PCLO: variants seen among roughly 807,000 people sequenced by gnomAD.
The protein encoded by PCLO is piccolo presynaptic cytomatrix protein, also known as protein piccolo.
A neutral mutation model predicts 427.5 loss-of-function variants in PCLO; 82 were observed. That is an observed-to-expected ratio of 0.19 (90% CI 0.16 to 0.23). PCLO has a LOEUF of 0.23. PCLO is among the 10% of genes least tolerant of loss of function. The pLI, the probability that PCLO is intolerant of heterozygous loss-of-function variation, is 1.00. For synonymous variants in PCLO, 2,357 were observed against 2,155.4 expected (o/e 1.09, Z -2.59); for missense variants, 6,239 against 6,115.9 (o/e 1.02, Z -0.67).
At position 82,954,767 on chromosome 7, in the gene PCLO, A is replaced by G. The variant is rs1358976890; in HGVS notation, c.6186T>C (p.Asp2062=). The G allele has an allele frequency of 6.2e-7, 1 of 1,613,860 alleles. No homozygotes were observed. The highest frequency in any genetic ancestry group is 1.1e-5 in the South Asian group (1 of 91,078). The change falls in exon 5 of 25, where the codon GAT becomes GAC. Residue 2062 remains aspartate (D), a synonymous_variant. Transcript: ENST00000333891. ...TCTTCATAAGTTCTTCATAGGCAGCATCAGCATCTAGTAGTTTCCTTTCTT... is the reference window on the plus strand; with the variant it reads ...TCTTCATAAGTTCTTCATAGGCAGCGTCAGCATCTAGTAGTTTCCTTTCTT... ...TEEERKLLDA[D]AAYEELMKRQ...
In PCLO at chr7:82,758,464, C is replaced by T. The variant is rs1283559839; in HGVS notation, c.*111G>A. The stretch of plus-strand genomic sequence containing the variant: ...CTTAAGTATGTTTTTGCTTGTTGTT[C>T]CCACTCTTATGTTTGCCTCTCAAAA... On this transcript the variant is annotated 3_prime_UTR_variant, in exon 25 of 25. Coordinates refer to ENST00000333891, the MANE Select transcript of PCLO (RefSeq NM_033026.6). The T allele has an allele frequency of 2.3e-5, 18 of 793,820 alleles. No individual in the cohort carries two copies. The African/African-American group carries it at 2.5e-4, about 11-fold the overall frequency. 49.2% of individuals were successfully genotyped at this position (793,820 alleles called of 1,614,324 possible).
At chr7:82,901,685 G>A (rs1295375448) in intron 9 of PCLO, among the ~76,000 whole-genome samples, 1 of 152,046 alleles carries the variant, frequency 6.6e-6, no homozygotes, top group African/African-American at 2.4e-5. Context: ...ATCTGACAAA[G>A]GGCTAATATC....
chr7:83,099,283 G>T (rs1408529012), intron 3 of PCLO, among the ~76,000 whole-genome samples: 3 of 148,696 alleles, frequency 2.0e-5, no homozygotes, highest in Admixed American at 6.8e-5. Context: ...CACCAGGCTA[G>T]AGGTGATAAG....
At chr7:83,142,249 A>G (rs1791880584) in intron 2 of PCLO, among the ~76,000 whole-genome samples, 1 of 152,200 alleles carries the variant, frequency 6.6e-6, no homozygotes, top group Admixed American at 6.5e-5. Flanking sequence ...TACTGTTCAC[A>G]TCAGCTGTTA....
At chr7:83,115,952 T>A (rs773042133) in intron 3 of PCLO, among the ~76,000 whole-genome samples, 4 of 151,888 alleles carry the variant, frequency 2.6e-5, no homozygotes, top group Admixed American at 2.0e-4. Context: ...CAAGCACACA[T>A]ATATAATACT....
intron 10 of PCLO, among the ~76,000 whole-genome samples, chr7:82,849,283 T>C (rs898782635): frequency 6.6e-6 from 1 of 152,020 alleles, no homozygotes; most frequent in Non-Finnish European, 1.5e-5. Context: ...ATAAAATCTC[T>C]TAAAAAATTA....
At chr7:82,848,224 C>T (rs1792553954) in intron 10 of PCLO, among the ~76,000 whole-genome samples, 2 of 150,440 alleles carry the variant, frequency 1.3e-5, no homozygotes, top group East Asian at 2.0e-4. Context: ...CAAGATAGTG[C>T]TCAAATATTT....
chr7:83,098,870 A>G (rs762690718), intron 3 of PCLO, among the ~76,000 whole-genome samples: 2 of 152,164 alleles, frequency 1.3e-5, no homozygotes, highest in Non-Finnish European at 2.9e-5. Context: ...ATAATGAGCT[A>G]GACTAGTTGG....
chr7:82,878,455 G>A (rs1386642762), intron 10 of PCLO, among the ~76,000 whole-genome samples: 1 of 152,036 alleles, frequency 6.6e-6, no homozygotes, highest in Non-Finnish European at 1.5e-5. Flanking sequence ...TAAAAAGGTT[G>A]CATTTACTTT....
rs1790307620 is a variant in PCLO at position 82,755,856 on chromosome 7, A to G, written c.*2719T>C. On this transcript the variant is annotated 3_prime_UTR_variant, in exon 25 of 25. Coordinates refer to ENST00000333891, the MANE Select transcript of PCLO (RefSeq NM_033026.6). The stretch of plus-strand genomic sequence containing the variant: ...CAGTGTTGCATAGAATAATTCCAGT[A>G]CAACCTAGAAGTTTGGTCAGCTGCA... 6.6e-6 allele frequency: 1 copy of G among 152,142 alleles called. No individual in the cohort carries two copies. Among genetic ancestry groups the G allele is most frequent in the African/African-American group, 2.4e-5 (1 of 41,440 alleles). 9.4% of individuals were successfully genotyped at this position (152,142 alleles called of 1,614,324 possible). A position where few individuals can be genotyped will look rare whatever the true frequency, so the allele number is the denominator to read the frequency against.
chr7:82,861,830 A>G (rs1352020628), intron 10 of PCLO, among the ~76,000 whole-genome samples: 1 of 152,036 alleles, frequency 6.6e-6, no homozygotes, highest in Non-Finnish European at 1.5e-5. Flanking sequence ...AATTTTGGAA[A>G]GTATTCAAAT....
intron 3 of PCLO, among the ~76,000 whole-genome samples, chr7:83,122,965 T>C (rs925815272): frequency 2.0e-5 from 3 of 152,174 alleles, no homozygotes; most frequent in South Asian, 2.1e-4. Flanking sequence ...CTATAAAACA[T>C]TGATGCAACA....
intron 3 of PCLO, among the ~76,000 whole-genome samples, chr7:83,013,158 A>T (rs2116005110): frequency 6.6e-6 from 1 of 152,300 alleles, no homozygotes; most frequent in East Asian, 1.9e-4. Flanking sequence ...AATAAAAATA[A>T]AAATCACATG....
chr7:82,973,650 A>G (rs1048018792), intron 3 of PCLO, among the ~76,000 whole-genome samples: 2 of 152,102 alleles, frequency 1.3e-5, no homozygotes, highest in African/African-American at 4.8e-5. Context: ...ACACTTCTGT[A>G]TAACAAATGA....
chr7:83,103,262 T>C (rs1330846125), intron 3 of PCLO, among the ~76,000 whole-genome samples: 1 of 151,920 alleles, frequency 6.6e-6, no homozygotes. Context: ...ACTACAAAAC[T>C]GGTAGGAACT....
At position 83,131,007 on chromosome 7, in the gene PCLO, T is replaced by C. The variant is rs79168462; in HGVS notation, c.3300+3243A>G. ...TATCAACAATAAAATAAATATCCAT[T>C]ATGAGTAATTCTGACTCATTTTGAA... On this transcript the variant is annotated intron_variant, in intron 3 of 24. Transcript: ENST00000333891. 2.2e-3 allele frequency among the ~76,000 whole-genome samples: 334 copies of C among 152,324 alleles called. 2 individuals carry two copies. Among genetic ancestry groups the C allele is most frequent in the African/African-American group, 7.6e-3 (318 of 41,578 alleles).
In PCLO at chr7:82,950,881, T is replaced by C; in HGVS notation, c.9707A>G (p.Glu3236Gly). 1 of 1,613,538 alleles carries C rather than the reference T, an allele frequency of 6.2e-7. No individual in the cohort carries two copies. ...CCTTTGAATTTCCTGACGTTCCCACTCCAATTCCTCAGCAAAGCGCTGTTG... is the reference window on the plus strand; with the variant it reads ...CCTTTGAATTTCCTGACGTTCCCACCCCAATTCCTCAGCAAAGCGCTGTTG... ...IKQQRFAEELEWERQEIQRFR... is the reference protein window; with the variant it reads ...IKQQRFAEELGWERQEIQRFR... Residue 3236 changes from glutamate to glycine, a missense_variant, in exon 6 of 25, where the codon GAG (glutamate) becomes GGG (glycine). Coordinates refer to ENST00000333891, the MANE Select transcript of PCLO (RefSeq NM_033026.6).
At position 82,821,188 on chromosome 7, in the gene PCLO, T is replaced by A. The variant is rs114143802; in HGVS notation, c.14791+1307A>T. The A allele has an allele frequency of 2.4e-3, 2,359 of 995,252 alleles. 43 individuals carry two copies. The African/African-American group carries it at 0.037, about 16-fold the overall frequency. 61.7% of individuals were successfully genotyped at this position (995,252 alleles called of 1,614,324 possible). A position where few individuals can be genotyped will look rare whatever the true frequency, so the allele number is the denominator to read the frequency against. ...GGCTTTGGTCTTGGTTGCCATTGGC[T>A]GGTGGAGGCAGATTATCAGACTGAG... On this transcript the variant is annotated intron_variant, in intron 20 of 24. Coordinates refer to ENST00000333891, the MANE Select transcript of PCLO (RefSeq NM_033026.6).
chr7:82,867,142 T>G (rs62461397), intron 10 of PCLO, among the ~76,000 whole-genome samples: 39,009 of 152,086 alleles, frequency 0.26, 5,349 homozygotes, highest in Middle Eastern at 0.3. Context: ...GCTCAGGCCT[T>G]TAATCCCAGA....
Sources: allele counts gnomAD v4.1 joint callset (sites outside exome capture counted in the v4.1 genomes callset), GRCh38; gene constraint gnomAD v4.1.1; transcripts MANE v1.5; gene names NCBI Gene and HGNC (gene_info 2026-07-23, HGNC 2026-07-21).